CERS5: variants seen among roughly 807,000 people sequenced by gnomAD.
The protein encoded by CERS5 is ceramide synthase 5, also known as LAG1 homolog, ceramide synthase 5.
In CERS5, 37 loss-of-function variants were observed where a neutral mutation model predicts 58.9. The observed-to-expected ratio is 0.63, with a 90% CI of 0.48 to 0.83. The LOEUF is 0.83. Among genes scored for constraint, CERS5 ranks in the 40% least tolerant of loss-of-function variants. The pLI is 0.00. For missense variants in CERS5, 398 were observed against 489.3 expected (o/e 0.81, Z 1.76); for synonymous variants, 147 against 177.8 (o/e 0.83, Z 1.38).
At chr12:50,143,264 T>TTGAC in intron 2 of CERS5, 60 bp from the exon 3 acceptor site, 1 of 1,590,518 alleles carries the variant, frequency 6.3e-7, no homozygotes. Context: ...TTCAATCCCA[T>TTGAC]TGACTAGCTG....
intron 1 of CERS5, among the ~76,000 whole-genome samples, chr12:50,160,458 C>CT (rs769349413): frequency 1.4e-3 from 206 of 152,184 alleles, no homozygotes; most frequent in Non-Finnish European, 1.5e-3. Flanking sequence ...TGAGAAGGCT[C>CT]TTTAGACACC....
intron 9 of CERS5, among the ~76,000 whole-genome samples, chr12:50,131,558 C>CAAAAAAAAAAAAAAAAA (rs752634104): frequency 2.9e-5 from 2 of 69,834 alleles, no homozygotes; most frequent in Admixed American, 1.9e-4. Flanking sequence ...GACTCCATCT[C>CAAAAAAAAAAAAAAAAA]AAAAAAAAAA....
At chr12:50,155,762 A>AAG (rs869163453) in intron 1 of CERS5, among the ~76,000 whole-genome samples, 1 of 145,178 alleles carries the variant, frequency 6.9e-6, no homozygotes, top group Non-Finnish European at 1.5e-5. Flanking sequence ...AAAAAAAAAA[A>AAG]GGCCCAGCCT....
intron 1 of CERS5, among the ~76,000 whole-genome samples, chr12:50,163,286 C>T (rs1043626283): frequency 9.2e-5 from 14 of 152,186 alleles, no homozygotes; most frequent in Admixed American, 4.6e-4. Flanking sequence ...GCAACCTCCA[C>T]CTTCCAGGTT....
At chr12:50,157,965 G>A (rs148772869) in intron 1 of CERS5, among the ~76,000 whole-genome samples, 3 of 151,494 alleles carry the variant, frequency 2.0e-5, no homozygotes, top group African/African-American at 7.3e-5. Flanking sequence ...GGGAGGCTGA[G>A]GTGGCAAGAT....
intron 9 of CERS5, chr12:50,133,793 G>T (rs888942187): frequency 2.3e-5 from 23 of 985,694 alleles, no homozygotes; most frequent in Non-Finnish European, 2.8e-5. Flanking sequence ...AAACAGGCAG[G>T]CCAGGTGCGG....
At chr12:50,132,386 G>C (rs946348317) in intron 9 of CERS5, among the ~76,000 whole-genome samples, 9 of 151,404 alleles carry the variant, frequency 5.9e-5, no homozygotes, top group Admixed American at 2.6e-4. Flanking sequence ...TGGGCAACAA[G>C]AGCTAAACTC....
At chr12:50,130,772 C>T in intron 9 of CERS5, 78 bp from the exon 10 acceptor site, 2 of 1,325,876 alleles carry the variant, frequency 1.5e-6, no homozygotes, top group Non-Finnish European at 2.1e-6. Context: ...CAGGTGTGGG[C>T]ACTGTGTTCC....
intron 1 of CERS5, among the ~76,000 whole-genome samples, chr12:50,161,824 A>C (rs1172872861): frequency 6.7e-6 from 1 of 148,334 alleles, no homozygotes; most frequent in African/African-American, 2.5e-5. Flanking sequence ...TAAAAGGATA[A>C]TGTTAAATAA....
intron 1 of CERS5, chr12:50,144,919 A>C (rs1229240898): frequency 1.9e-6 from 1 of 528,792 alleles, no homozygotes; most frequent in South Asian, 2.6e-5. Context: ...GAGGATCACA[A>C]GGTCAGGAGT....
intron 5 of CERS5, among the ~76,000 whole-genome samples, 162 bp downstream of exon 5, chr12:50,138,405 G>A (rs59025794): frequency 4.4e-4 from 65 of 146,980 alleles, no homozygotes; most frequent in Non-Finnish European, 7.2e-4. Context: ...CAGTGGGGGG[G>A]AAAAAAAAAT....
chr12:50,156,404 AAAAC>A (rs976213644), intron 1 of CERS5, among the ~76,000 whole-genome samples: 2 of 125,728 alleles, frequency 1.6e-5, no homozygotes, highest in Non-Finnish European at 3.4e-5. Flanking sequence ...ACTCTGTCTC[AAAAC>A]AAACAAACAA....
intron 9 of CERS5, chr12:50,133,378 A>C (rs1951442916): frequency 2.8e-6 from 3 of 1,053,588 alleles, no homozygotes; most frequent in Non-Finnish European, 3.5e-6. Flanking sequence ...CGCTCTTGGC[A>C]TAAGATGGGT....
chr12:50,151,942 G>A (rs887089510), intron 1 of CERS5, among the ~76,000 whole-genome samples: 3 of 152,152 alleles, frequency 2.0e-5, no homozygotes, highest in East Asian at 1.9e-4. Flanking sequence ...CGCCGTGCGC[G>A]GCCTATACCA....
intron 9 of CERS5, chr12:50,134,265 G>A (rs1951504660): frequency 3.8e-6 from 2 of 520,686 alleles, no homozygotes; most frequent in African/African-American, 2.7e-5. Flanking sequence ...TATAGTCCCA[G>A]CTACTTGGGA....
intron 4 of CERS5, among the ~76,000 whole-genome samples, chr12:50,139,520 G>C (rs775125941): frequency 6.6e-6 from 1 of 151,340 alleles, no homozygotes; most frequent in African/African-American, 2.4e-5. Context: ...CAGGCCAGGC[G>C]TGGTGGCTCA....
At chr12:50,153,268 G>GCTTTT (rs1938174570) in intron 1 of CERS5, among the ~76,000 whole-genome samples, 1 of 72,606 alleles carries the variant, frequency 1.4e-5, no homozygotes, top group Non-Finnish European at 2.9e-5. Flanking sequence ...AAACTAATAT[G>GCTTTT]ATTTTTTTTT....
At chr12:50,162,274 G>A (rs1236950647) in intron 1 of CERS5, among the ~76,000 whole-genome samples, 1 of 149,638 alleles carries the variant, frequency 6.7e-6, no homozygotes, top group Non-Finnish European at 1.5e-5. Flanking sequence ...AGAACAAGAG[G>A]TTAAATCTTA....
At chr12:50,159,081 A>G (rs543707634) in intron 1 of CERS5, among the ~76,000 whole-genome samples, 22 of 152,208 alleles carry the variant, frequency 1.4e-4, no homozygotes, top group African/African-American at 3.9e-4. Context: ...CAGCACTTTG[A>G]GAGGCCGAGG....
Sources: gnomAD v4.1 joint callset for allele counts (sites outside exome capture counted in the v4.1 genomes callset) on GRCh38, gnomAD v4.1.1 for gene constraint, MANE v1.5 for transcripts, NCBI Gene and HGNC (gene_info 2026-07-23, HGNC 2026-07-21) for gene names.